Variants in GRIK4 observed in about 807,000 individuals in gnomAD.
GRIK4 encodes the protein glutamate ionotropic receptor kainate type subunit 4.
Under a neutral mutation model 104.9 loss-of-function variants are expected in GRIK4, and 40 were observed. The observed-to-expected ratio is 0.38, with a 90% confidence interval of 0.30 to 0.50. The LOEUF (loss-of-function observed/expected upper bound fraction) is 0.50, where lower values mean the gene tolerates loss of function less well. GRIK4 is among the 20% of genes least tolerant of loss of function. The pLI, the probability that GRIK4 is intolerant of heterozygous loss-of-function variation, is 0.93. For synonymous variants in GRIK4, 485 were observed against 524.9 expected (o/e 0.92, Z 1.04); for missense variants, 1,047 against 1,308.1 (o/e 0.80, Z 3.08).
At chr11:120,620,358 G>A (rs1349362292) in intron 1 of GRIK4, 1 of 591,190 alleles carries the variant, frequency 1.7e-6, no homozygotes, top group African/African-American at 1.9e-5. Context: ...AGACTCACTT[G>A]TCTCGAGCCA....
At chr11:120,977,009 G>A (rs1005521744) in intron 19 of GRIK4, among the ~76,000 whole-genome samples, 3 of 152,170 alleles carry the variant, frequency 2.0e-5, no homozygotes, top group Non-Finnish European at 4.4e-5. Context: ...CTCTTCACAG[G>A]TGCTCTCTTC....
intron 1 of GRIK4, among the ~76,000 whole-genome samples, chr11:120,557,172 T>C (rs1380918961): frequency 6.6e-6 from 1 of 152,164 alleles, no homozygotes; most frequent in Non-Finnish European, 1.5e-5. Flanking sequence ...CTCTTGTGGC[T>C]CCATTAGTGC....
intron 3 of GRIK4, among the ~76,000 whole-genome samples, chr11:120,699,539 ATGTG>A (rs57345739): frequency 0.24 from 34,193 of 144,710 alleles, 4,034 homozygotes; most frequent in South Asian, 0.33. Context: ...AGGTGTGTGT[ATGTG>A]TGTGTGTGTG....
chr11:120,636,236 T>G (rs1464445972), intron 1 of GRIK4, among the ~76,000 whole-genome samples: 1 of 152,222 alleles, frequency 6.6e-6, no homozygotes, highest in Non-Finnish European at 1.5e-5. Flanking sequence ...CATATCTGTC[T>G]TCTTCTTTTA....
In GRIK4 at chr11:120,902,733, G is replaced by A. The variant is rs1250597590; in HGVS notation, c.1273-2557G>A. ...TGGGCCCTGGCATGAGAGCAGGGGA[G>A]TTCTGAGACATGGGTTGGCACAGAA... On this transcript the variant is annotated intron_variant, in intron 12 of 20. Transcript: ENST00000527524. This position sits in a 1 kb window ranked among gnomAD's most constrained non-coding sequence, Gnocchi z 4.5. Among the ~76,000 whole-genome samples, 1 of 152,198 alleles carries A rather than the reference G, an allele frequency of 6.6e-6. No individual in the cohort carries two copies. Among genetic ancestry groups the A allele is most frequent in the Non-Finnish European group, 1.5e-5 (1 of 68,036 alleles).
intron 3 of GRIK4, among the ~76,000 whole-genome samples, chr11:120,712,269 C>T (rs150866768): frequency 2.6e-5 from 4 of 151,870 alleles, no homozygotes; most frequent in South Asian, 2.1e-4. Context: ...TGTGCTGGGG[C>T]GAGGGTTGGG....
chr11:120,789,582 A>G (rs528501857), intron 3 of GRIK4, among the ~76,000 whole-genome samples: 2 of 152,058 alleles, frequency 1.3e-5, no homozygotes, highest in African/African-American at 4.8e-5. Flanking sequence ...ATCGCCCTAA[A>G]ATGCAAATCT....
intron 3 of GRIK4, among the ~76,000 whole-genome samples, chr11:120,738,892 G>C (rs966458775): frequency 6.6e-6 from 1 of 152,226 alleles, no homozygotes; most frequent in Non-Finnish European, 1.5e-5. Context: ...TGAAGATGAC[G>C]CAGGCCAGAG....
In GRIK4 at chr11:120,664,629, T is replaced by C. The variant is rs184146385; in HGVS notation, c.82+4229T>C. On this transcript the variant is annotated intron_variant, in intron 3 of 20. Transcript: ENST00000527524. ...TCTCTTCCTGCTCTTCTAGAGCTGA[T>C]GACCCCCTGGAAACATTTGGGATAT... 9.6e-4 allele frequency among the ~76,000 whole-genome samples: 146 copies of C among 152,336 alleles called. 1 individual carries two copies. The highest frequency in any genetic ancestry group is 3.4e-3 in the Middle Eastern group (1 of 294).
chr11:120,741,428 A>G (rs1200806325), intron 3 of GRIK4, among the ~76,000 whole-genome samples: 2 of 151,682 alleles, frequency 1.3e-5, no homozygotes, highest in Admixed American at 6.6e-5. Context: ...ACAGGCACGC[A>G]CCACCACGCC....
chr11:120,717,572 G>A (rs780048297), intron 3 of GRIK4, among the ~76,000 whole-genome samples: 7 of 151,920 alleles, frequency 4.6e-5, no homozygotes, highest in South Asian at 2.1e-4. Context: ...AAAAAAAAGC[G>A]ATGGGAGAAC....
At chr11:120,701,592 G>C (rs193217820) in intron 3 of GRIK4, among the ~76,000 whole-genome samples, 29 of 152,278 alleles carry the variant, frequency 1.9e-4, no homozygotes, top group South Asian at 1.9e-3. Context: ...TAGGAGTGTG[G>C]ATATATTTAC....
chr11:120,923,207 G>C (rs949252678), intron 13 of GRIK4, among the ~76,000 whole-genome samples: 2 of 152,112 alleles, frequency 1.3e-5, no homozygotes, highest in Non-Finnish European at 2.9e-5. Flanking sequence ...GAGTTACTAG[G>C]AGCAAATCAG....
At chr11:120,937,398 A>G (rs1331698883) in intron 13 of GRIK4, among the ~76,000 whole-genome samples, 1 of 151,784 alleles carries the variant, frequency 6.6e-6, no homozygotes. Flanking sequence ...ATCTGATCCC[A>G]TGTGATTGTT....
intron 3 of GRIK4, among the ~76,000 whole-genome samples, chr11:120,666,599 T>C (rs1949918967): frequency 6.6e-6 from 1 of 152,238 alleles, no homozygotes; most frequent in East Asian, 1.9e-4. Context: ...CATGAAGGGA[T>C]GGGGCTATTG....
intron 1 of GRIK4, among the ~76,000 whole-genome samples, chr11:120,523,073 C>T (rs1947814342): frequency 6.6e-6 from 1 of 150,844 alleles, no homozygotes; most frequent in African/African-American, 2.4e-5. Flanking sequence ...CTCCACTGCT[C>T]CTAGGAGGCT....
rs1394482330 is a variant in GRIK4, at chr11:120,524,146, C to T, written c.-159+12259C>T. On this transcript the variant is annotated intron_variant, in intron 1 of 20. Coordinates refer to ENST00000527524, the MANE Select transcript of GRIK4 (RefSeq NM_014619.5). The surrounding 1 kb of genome is among the most constrained non-coding windows in gnomAD (Gnocchi z 4.5). ...TTCATCATGTTAGCCAGGATGGTCT[C>T]GATCTCCTGACCTCATGATCCACCA... Among the ~76,000 whole-genome samples the T allele has an allele frequency of 4.6e-5, 7 of 152,162 alleles. No homozygotes were observed. Among genetic ancestry groups the T allele is most frequent in the Admixed American group, 2.0e-4 (3 of 15,282 alleles).
intron 3 of GRIK4, among the ~76,000 whole-genome samples, chr11:120,714,812 GC>G (rs1182189028): frequency 6.6e-6 from 1 of 152,208 alleles, no homozygotes; most frequent in Non-Finnish European, 1.5e-5. Flanking sequence ...GAACAGATGA[GC>G]CTGGAGAGGT....
rs1947657539 is a variant in GRIK4 at position 120,511,767 on chromosome 11, G to A, written c.-279G>A. 5.9e-6 allele frequency: 2 copies of A among 339,978 alleles called. No individual in the cohort carries two copies. Among genetic ancestry groups the A allele is most frequent in the East Asian group, 1.6e-4 (1 of 6,414 alleles). The allele number at this position is 339,978 out of a possible 1,614,324, so 21.1% of individuals were successfully genotyped here. ...GGACACAGACTGCCTTCAGCTGCGG[G>A]CGGATCGGGCTGGAGCCGCCACGGC... On this transcript the variant is annotated 5_prime_UTR_variant, in exon 1 of 21. Transcript: ENST00000527524.
Sources: gnomAD v4.1 joint callset for allele counts (sites outside exome capture counted in the v4.1 genomes callset) on GRCh38, gnomAD v4.1.1 for gene constraint, Gnocchi (gnomAD v3.1) non-coding constraint, MANE v1.5 for transcripts, NCBI Gene and HGNC (gene_info 2026-07-23, HGNC 2026-07-21) for gene names.